The following SPAG17 variants were observed in gnomAD, a reference collection of about 807,000 sequenced individuals.
The protein encoded by SPAG17 is sperm associated antigen 17.
In SPAG17, 169 loss-of-function variants were observed where a neutral mutation model predicts 273.6. The observed-to-expected ratio is 0.62, with a 90% confidence interval of 0.55 to 0.70. SPAG17 has a LOEUF of 0.70. Ranked by LOEUF, SPAG17 falls within the 30% of genes least tolerant of loss-of-function variation. The pLI, the probability that SPAG17 is intolerant of heterozygous loss-of-function variation, is 0.00. For missense variants in SPAG17, 2,557 were observed against 2,627.8 expected (o/e 0.97, Z 0.59); for synonymous variants, 825 against 873.2 (o/e 0.94, Z 0.97).
At chr1:117,981,142 C>G in intron 43 of SPAG17, 128 bp downstream of exon 43, 1 of 966,644 alleles carries the variant, frequency 1.0e-6, no homozygotes, top group Non-Finnish European at 1.5e-6. Context: ...CTGCATAGCT[C>G]CAGGATCCGT....
At chr1:117,989,026 C>T (rs1424028860) in intron 38 of SPAG17, among the ~76,000 whole-genome samples, 1 of 152,044 alleles carries the variant, frequency 6.6e-6, no homozygotes, top group South Asian at 2.1e-4. Context: ...ATGTGTTTTC[C>T]TTTGTTGTGC....
In SPAG17 at chr1:118,041,981, GCTTT is replaced by G. The variant is rs1362182018; in HGVS notation, c.2872_2875del (p.Lys958GlnfsTer25). ...ACCAGCTTCTTTACCCTTCTTCTCT[GCTTT>G]CTTTTCTTCCCTTAAGCGCTCCTCT... On this transcript the variant is annotated frameshift_variant, in exon 21 of 49. Transcript: ENST00000336338. LOFTEE classifies it high-confidence loss of function. 1 of 1,613,640 alleles carries G rather than the reference GCTTT, an allele frequency of 6.2e-7. No homozygotes were observed. Among genetic ancestry groups the G allele is most frequent in the Non-Finnish European group, 8.5e-7 (1 of 1,179,890 alleles).
At chr1:118,157,415 C>A (rs1212858276) in intron 1 of SPAG17, among the ~76,000 whole-genome samples, 1 of 152,102 alleles carries the variant, frequency 6.6e-6, no homozygotes, top group East Asian at 1.9e-4. Context: ...TAAGTAATAT[C>A]CTTCAAAATG....
At chr1:117,989,452 G>C (rs189070808) in intron 38 of SPAG17, among the ~76,000 whole-genome samples, 1 of 152,088 alleles carries the variant, frequency 6.6e-6, no homozygotes, top group African/African-American at 2.4e-5. Flanking sequence ...GCAACTAATA[G>C]AGTGGGAATT....
chr1:118,015,645 T>G (rs2101799990), intron 29 of SPAG17, among the ~76,000 whole-genome samples: 1 of 152,232 alleles, frequency 6.6e-6, no homozygotes, highest in East Asian at 1.9e-4. Context: ...GACGACATCA[T>G]TAATCACATA....
At chr1:118,073,073 G>C (rs983304709) in intron 17 of SPAG17, among the ~76,000 whole-genome samples, 2 of 151,988 alleles carry the variant, frequency 1.3e-5, no homozygotes, top group African/African-American at 4.8e-5. Context: ...GAACTTTCTG[G>C]CTTAAAAAAC....
chr1:118,066,696 G>T (rs758047837), intron 18 of SPAG17, 49 bp downstream of exon 18: 3 of 1,526,322 alleles, frequency 2.0e-6, no homozygotes, highest in African/African-American at 2.7e-5. Flanking sequence ...TAACTGGCAA[G>T]CTAACTAAAC....
intron 3 of SPAG17, among the ~76,000 whole-genome samples, chr1:118,138,523 C>CCACACATATA (rs11471352): frequency 5.3e-5 from 8 of 151,988 alleles, no homozygotes; most frequent in Non-Finnish European, 5.9e-5. Flanking sequence ...ACATCACAAA[C>CCACACATATA]CACACATATA....
chr1:118,011,308 T>C (rs1368003584), intron 30 of SPAG17, among the ~76,000 whole-genome samples: 2 of 152,138 alleles, frequency 1.3e-5, no homozygotes, highest in Admixed American at 1.3e-4. Flanking sequence ...ATAGTAAAGA[T>C]ATGGAATCAA....
At chr1:118,097,619 C>A in intron 7 of SPAG17, 51 bp downstream of exon 7, 1 of 1,407,918 alleles carries the variant, frequency 7.1e-7, no homozygotes, top group South Asian at 1.6e-5. Flanking sequence ...GCAAATAGAA[C>A]CACTGTGTCA....
intron 5 of SPAG17, 62 bp from the exon 6 acceptor site, chr1:118,099,862 C>T (rs1335475229): frequency 5.6e-6 from 8 of 1,420,578 alleles, no homozygotes; most frequent in Non-Finnish European, 7.8e-6. Flanking sequence ...TTGCACTCAG[C>T]CAGTTCAATG....
chr1:118,016,795 C>T (rs1019240106), intron 28 of SPAG17, among the ~76,000 whole-genome samples: 7 of 152,154 alleles, frequency 4.6e-5, no homozygotes, highest in African/African-American at 1.7e-4. Flanking sequence ...CTTTACCTCC[C>T]ACTCATTTGG....
At chr1:118,101,479 G>A (rs1354576863) in intron 5 of SPAG17, among the ~76,000 whole-genome samples, 1 of 152,158 alleles carries the variant, frequency 6.6e-6, no homozygotes, top group Non-Finnish European at 1.5e-5. Context: ...TTCTCTCAGG[G>A]TGTCATGGGA....
At chr1:118,064,347 C>A (rs941919890) in intron 18 of SPAG17, among the ~76,000 whole-genome samples, 1 of 151,484 alleles carries the variant, frequency 6.6e-6, no homozygotes, top group Non-Finnish European at 1.5e-5. Flanking sequence ...AAATGTCCAA[C>A]AACGATAGAC....
intron 21 of SPAG17, 152 bp from the exon 22 acceptor site, chr1:118,040,993 T>C: frequency 1.5e-6 from 1 of 646,644 alleles, no homozygotes; most frequent in South Asian, 1.8e-5. Flanking sequence ...GTTCATATTA[T>C]TTTTAGAAAC....
At chr1:118,158,018 G>C (rs748572519) in intron 1 of SPAG17, among the ~76,000 whole-genome samples, 1 of 152,102 alleles carries the variant, frequency 6.6e-6, no homozygotes, top group Non-Finnish European at 1.5e-5. Flanking sequence ...ATCACAAAAA[G>C]GCAAATATGA....
At position 118,008,070 on chromosome 1, in the gene SPAG17, T is replaced by C; in HGVS notation, c.4561A>G (p.Ile1521Val). 1 of 1,614,048 alleles carries C rather than the reference T, an allele frequency of 6.2e-7. No homozygotes were observed. The highest frequency in any genetic ancestry group is 8.5e-7 in the Non-Finnish European group (1 of 1,179,928). Reference protein sequence around the residue: ...CATFGDGTTIIAKPQGTYQVL... With the variant: ...CATFGDGTTIVAKPQGTYQVL... ...TGGTATGTTCCCTGTGGCTTTGCAA[T>C]AATAGTTGTTCCATCTCCAAAGGTG... Residue 1521 changes from isoleucine (I) to valine (V), a missense_variant, in exon 31 of 49, where the codon ATT (isoleucine) becomes GTT (valine). Transcript: ENST00000336338.
At chr1:118,032,436 A>G (rs547757084) in intron 24 of SPAG17, among the ~76,000 whole-genome samples, 1 of 152,184 alleles carries the variant, frequency 6.6e-6, no homozygotes, top group African/African-American at 2.4e-5. Flanking sequence ...AGGAGTAATT[A>G]TGTGGGGAGC....
In SPAG17 at chr1:117,966,696, C is replaced by T; in HGVS notation, c.6445G>A (p.Glu2149Lys). 1 of 1,614,064 alleles carries T rather than the reference C, an allele frequency of 6.2e-7. No homozygotes were observed. The highest frequency in any genetic ancestry group is 1.1e-5 in the South Asian group (1 of 91,062). The change falls in exon 47 of 49, where the codon GAG (glutamate) becomes AAG (lysine). Residue 2149 changes from glutamate (E) to lysine (K), a missense_variant. By Grantham distance (56) the Glu-to-Lys change is moderately conservative. Transcript: ENST00000336338. ...NIELFATAVG[E>K]DGAKGSAHIS... ...TGTGCTGATCCCTTGGCCCCATCCTCTCCAACAGCTGTGGCAAATAACTCT... is the reference window on the plus strand; with the variant it reads ...TGTGCTGATCCCTTGGCCCCATCCTTTCCAACAGCTGTGGCAAATAACTCT...
Sources: gnomAD v4.1 joint callset for allele counts (sites outside exome capture counted in the v4.1 genomes callset) on GRCh38, gnomAD v4.1.1 for gene constraint, MANE v1.5 for transcripts, NCBI Gene and HGNC (gene_info 2026-07-23, HGNC 2026-07-21) for gene names.